Variants in LMBRD1 observed in about 807,000 individuals in gnomAD.
LMBRD1 encodes LMBR1 domain containing 1.
LMBRD1 carries 64 observed loss-of-function variants against 74.8 expected under a neutral mutation model. The observed-to-expected ratio is 0.86, with a 90% CI of 0.70 to 1.05. The LOEUF (loss-of-function observed/expected upper bound fraction) is 1.05. Ranked by LOEUF, LMBRD1 falls within the 50% of genes least tolerant of loss-of-function variation. The probability of loss-of-function intolerance (pLI) is 0.00; values close to 1 mark genes in which losing one functional copy is unlikely to be tolerated. For missense variants in LMBRD1, 652 were observed against 645.9 expected (o/e 1.01, Z -0.10); for synonymous variants, 204 against 216.3 (o/e 0.94, Z 0.50).
chr6:69,749,778 T>C (rs1426938870), intron 4 of LMBRD1, among the ~76,000 whole-genome samples: 6 of 150,722 alleles, frequency 4.0e-5, no homozygotes, highest in Non-Finnish European at 3.0e-5. Flanking sequence ...TTTATAACAA[T>C]AATAAACACA....
intron 8 of LMBRD1, among the ~76,000 whole-genome samples, chr6:69,714,826 T>C (rs1228742359): frequency 6.6e-6 from 1 of 152,134 alleles, no homozygotes; most frequent in African/African-American, 2.4e-5. Context: ...CTGGAACCAA[T>C]CATCCTCTCC....
intron 3 of LMBRD1, among the ~76,000 whole-genome samples, chr6:69,769,307 A>G (rs1282697638): frequency 6.6e-6 from 1 of 152,116 alleles, no homozygotes; most frequent in Non-Finnish European, 1.5e-5. Flanking sequence ...AATTTTTCAC[A>G]TCAGTTACTA....
At chr6:69,696,895 A>ACAT (rs1310502806) in intron 14 of LMBRD1, among the ~76,000 whole-genome samples, 2 of 152,196 alleles carry the variant, frequency 1.3e-5, no homozygotes, top group Non-Finnish European at 2.9e-5. Flanking sequence ...AAATAAAAGC[A>ACAT]TGTTGAAGGC....
intron 8 of LMBRD1, among the ~76,000 whole-genome samples, chr6:69,714,548 T>C (rs1487692603): frequency 6.6e-6 from 1 of 152,142 alleles, no homozygotes; most frequent in Non-Finnish European, 1.5e-5. Flanking sequence ...AATATAAAAT[T>C]GTTTTTATCA....
intron 3 of LMBRD1, among the ~76,000 whole-genome samples, chr6:69,760,713 T>C (rs1367393990): frequency 6.6e-6 from 1 of 152,124 alleles, no homozygotes; most frequent in Non-Finnish European, 1.5e-5. Flanking sequence ...TGAACAAAAA[T>C]ATTGGGATGT....
chr6:69,728,057 C>T (rs571771818), intron 7 of LMBRD1, among the ~76,000 whole-genome samples: 1 of 152,278 alleles, frequency 6.6e-6, no homozygotes, highest in South Asian at 2.1e-4. Context: ...GTTTAATTGG[C>T]TCACGATTCC....
intron 2 of LMBRD1, among the ~76,000 whole-genome samples, chr6:69,781,145 A>G (rs1035112713): frequency 6.6e-6 from 1 of 152,180 alleles, no homozygotes; most frequent in Non-Finnish European, 1.5e-5. Flanking sequence ...ATTTTTTTAA[A>G]AACCTACAGG....
At position 69,674,616 on chromosome 6, in the gene LMBRD1, G is replaced by A. The variant is rs145669408; in HGVS notation, c.*1542C>T. ...ATTTCTAGCTAAAAGATAACTCAAA[G>A]TTCAGAGCTTAAGAACAAGTAGTAT... On this transcript the variant is annotated 3_prime_UTR_variant, in exon 16 of 16. Transcript: ENST00000649934. Among the ~76,000 whole-genome samples, 1 of 152,296 alleles carries A rather than the reference G, an allele frequency of 6.6e-6. No homozygotes were observed. The highest frequency in any genetic ancestry group is 1.9e-4 in the East Asian group (1 of 5,184).
intron 2 of LMBRD1, among the ~76,000 whole-genome samples, chr6:69,788,126 A>ATT (rs138884458): frequency 6.6e-6 from 1 of 151,926 alleles, no homozygotes; most frequent in Non-Finnish European, 1.5e-5. Context: ...TACTTTAGAA[A>ATT]TTTTTTTATT....
intron 5 of LMBRD1, among the ~76,000 whole-genome samples, chr6:69,748,371 A>G (rs1272925982): frequency 2.7e-4 from 41 of 152,186 alleles, no homozygotes; most frequent in Non-Finnish European, 1.3e-4. Flanking sequence ...AATATACTCC[A>G]GAGCTAAAAT....
chr6:69,688,941 T>C (rs1044520042), intron 14 of LMBRD1, among the ~76,000 whole-genome samples: 2 of 152,104 alleles, frequency 1.3e-5, no homozygotes, highest in African/African-American at 4.8e-5. Context: ...GTATCTTCAT[T>C]GGTAGATAAA....
At chr6:69,716,391 T>C (rs944168478) in intron 8 of LMBRD1, among the ~76,000 whole-genome samples, 3 of 152,210 alleles carry the variant, frequency 2.0e-5, no homozygotes, top group Non-Finnish European at 1.5e-5. Flanking sequence ...TTTTTTCATA[T>C]GATTTTTTGG....
At position 69,697,552 on chromosome 6, in the gene LMBRD1, G is replaced by A; in HGVS notation, c.1417+11C>T. The A allele has an allele frequency of 6.4e-7, 1 of 1,563,986 alleles. No individual in the cohort carries two copies. Among genetic ancestry groups the A allele is most frequent in the East Asian group, 2.2e-5 (1 of 44,464 alleles). ...TAAAAAGTTGTAAGTTCTAAAACAAGCTGTTTTTACCTTCAGGAGCATCTG... is the reference window on the plus strand; with the variant it reads ...TAAAAAGTTGTAAGTTCTAAAACAAACTGTTTTTACCTTCAGGAGCATCTG... On this transcript the variant is annotated intron_variant, in intron 14 of 15. Transcript: ENST00000649934.
chr6:69,764,953 G>A lies in LMBRD1; in HGVS notation c.308-12597C>T, dbSNP rs1765449536. Among the ~76,000 whole-genome samples, 7 of 150,134 alleles carry A rather than the reference G, an allele frequency of 4.7e-5. No individual in the cohort carries two copies. The South Asian group carries it at 1.5e-3, about 31-fold the overall frequency. On this transcript the variant is annotated intron_variant, in intron 3 of 15. Transcript: ENST00000649934. ...CTTTTTTTTTTTTTTAATTTGAGAT[G>A]GAGTCTTGCTGTGTGACCCAGGCTG...
intron 1 of LMBRD1, among the ~76,000 whole-genome samples, chr6:69,795,162 G>T (rs990402076): frequency 6.6e-6 from 1 of 152,136 alleles, no homozygotes; most frequent in African/African-American, 2.4e-5. Context: ...AATAAACCAG[G>T]ATTTAAAGAG....
chr6:69,707,128 C>T (rs1374479031), intron 9 of LMBRD1, among the ~76,000 whole-genome samples: 1 of 152,166 alleles, frequency 6.6e-6, no homozygotes, highest in Non-Finnish European at 1.5e-5. Context: ...GAACATCTCT[C>T]CGTTTCTTAA....
intron 3 of LMBRD1, among the ~76,000 whole-genome samples, chr6:69,757,917 T>A (rs368396905): frequency 3.9e-5 from 6 of 152,318 alleles, no homozygotes; most frequent in Admixed American, 3.9e-4. Flanking sequence ...AGAAAAAATT[T>A]TTAAGCCTCA....
intron 7 of LMBRD1, among the ~76,000 whole-genome samples, chr6:69,734,190 G>T (rs1230565493): frequency 1.3e-5 from 2 of 152,060 alleles, no homozygotes; most frequent in African/African-American, 4.8e-5. Context: ...TCTCTCCCTT[G>T]GCCTTAGGCC....
At chr6:69,749,507 C>T (rs1343192077) in intron 4 of LMBRD1, 99 bp from the exon 5 acceptor site, 4 of 889,836 alleles carry the variant, frequency 4.5e-6, no homozygotes, top group Non-Finnish European at 7.4e-6. Flanking sequence ...CAGATACATG[C>T]TTACACTCAA....
Sources: gnomAD v4.1 joint callset for allele counts (sites outside exome capture counted in the v4.1 genomes callset) on GRCh38, gnomAD v4.1.1 for gene constraint, MANE v1.5 for transcripts, NCBI Gene and HGNC (gene_info 2026-07-23, HGNC 2026-07-21) for gene names.